Variants in NUDT7 observed in about 807,000 individuals in gnomAD.
NUDT7 encodes the protein nudix hydrolase 7, also known as peroxisomal coenzyme A diphosphatase NUDT7.
A neutral mutation model predicts 13.1 loss-of-function variants in NUDT7; 19 were observed. That is an observed-to-expected ratio of 1.45 (90% confidence interval 1.01 to 2.13). NUDT7 has a LOEUF of 2.13. NUDT7 is among the 30% of genes most tolerant of loss of function. The pLI is 0.00. For missense variants in NUDT7, 360 were observed against 291.7 expected, an observed-to-expected ratio of 1.23 and a Z score of -1.71; for synonymous variants, 132 against 109.7, an observed-to-expected ratio of 1.20 and a Z score of -1.27.
chr16:77,740,738 G>A (rs1372083169), intron 3 of NUDT7, among the ~76,000 whole-genome samples: 1 of 151,708 alleles, frequency 6.6e-6, no homozygotes, highest in African/African-American at 2.4e-5. Context: ...AGTAGAGACG[G>A]GATTTCATCA....
chr16:77,738,781 C>T (rs1340745425), intron 3 of NUDT7, among the ~76,000 whole-genome samples: 1 of 152,214 alleles, frequency 6.6e-6, no homozygotes, highest in African/African-American at 2.4e-5. Flanking sequence ...CCACAACCCC[C>T]ACCCCAGTTT....
intron 2 of NUDT7, among the ~76,000 whole-genome samples, chr16:77,731,566 A>T (rs2014320019): frequency 6.6e-6 from 1 of 152,230 alleles, no homozygotes; most frequent in Non-Finnish European, 1.5e-5. Flanking sequence ...ATAAAAAATG[A>T]CATTTCTGGT....
At chr16:77,730,103 T>A (rs1373792522) in intron 2 of NUDT7, among the ~76,000 whole-genome samples, 1 of 152,122 alleles carries the variant, frequency 6.6e-6, no homozygotes. Context: ...TCACCACACA[T>A]AACATACTAT....
chr16:77,740,010 C>T (rs1448053436), intron 3 of NUDT7, among the ~76,000 whole-genome samples: 1 of 152,174 alleles, frequency 6.6e-6, no homozygotes, highest in Non-Finnish European at 1.5e-5. Context: ...GGAGCACTTT[C>T]TTAAAAAATC....
intron 3 of NUDT7, among the ~76,000 whole-genome samples, chr16:77,740,546 A>G (rs985440712): frequency 6.6e-6 from 1 of 151,884 alleles, no homozygotes; most frequent in African/African-American, 2.4e-5. Flanking sequence ...ACTTTTATAT[A>G]TTTATTTTTA....
chr16:77,733,990 G>C (rs1410392269), intron 2 of NUDT7, among the ~76,000 whole-genome samples: 2 of 152,132 alleles, frequency 1.3e-5, no homozygotes, highest in Non-Finnish European at 2.9e-5. Flanking sequence ...GATAAGAAAG[G>C]GGGTAATTTT....
At chr16:77,735,771 C>T in intron 2 of NUDT7, 57 bp from the exon 3 acceptor site, 1 of 1,483,912 alleles carries the variant, frequency 6.7e-7, no homozygotes, top group Non-Finnish European at 9.3e-7. Context: ...TTGTTGAATG[C>T]ATAAATAGTT....
intron 2 of NUDT7, 118 bp from the exon 3 acceptor site, chr16:77,735,710 A>T: frequency 2.1e-6 from 2 of 933,128 alleles, no homozygotes; most frequent in Non-Finnish European, 3.3e-6. Flanking sequence ...TCTTGATACC[A>T]CCACCTGGGT....
chr16:77,729,272 G>T (rs905102386), intron 2 of NUDT7, among the ~76,000 whole-genome samples: 6 of 151,966 alleles, frequency 3.9e-5, no homozygotes. Context: ...GATTTAAATA[G>T]ATTTAACTTG....
At chr16:77,724,010 A>G (rs1168485205) in intron 1 of NUDT7, among the ~76,000 whole-genome samples, 1 of 152,194 alleles carries the variant, frequency 6.6e-6, no homozygotes, top group Non-Finnish European at 1.5e-5. Flanking sequence ...GGCTGCCATA[A>G]CAGAGTACCA....
intron 3 of NUDT7, 186 bp downstream of exon 3, chr16:77,736,172 C>T (rs868579143): frequency 2.2e-5 from 12 of 540,672 alleles, no homozygotes; most frequent in Middle Eastern, 9.7e-4. Context: ...TTTGCCTCTC[C>T]GGACCCCTCT....
At chr16:77,726,723 G>A (rs2014148058) in intron 2 of NUDT7, among the ~76,000 whole-genome samples, 2 of 152,308 alleles carry the variant, frequency 1.3e-5, no homozygotes, top group East Asian at 3.9e-4. Flanking sequence ...CTTGAAACCA[G>A]GAGGCGGAGG....
chr16:77,741,626 C>G lies in NUDT7; in HGVS notation c.393C>G (p.Asn131Lys). The change falls in exon 4 of 4, where the codon AAC (asparagine) becomes AAG (lysine). Residue 131 changes from asparagine (N) to lysine (K), a missense_variant. Coordinates refer to ENST00000268533, the MANE Select transcript of NUDT7 (RefSeq NM_001105663.3). Reference sequence around the variant, plus strand: ...CATTTGTGGGTTTAATAGACCACAACTTCCAGGCCCAGCCGAATCCTGCTG... The same window carrying G: ...CATTTGTGGGTTTAATAGACCACAAGTTCCAGGCCCAGCCGAATCCTGCTG... ...ITPFVGLIDH[N>K]FQAQPNPAEV... The G allele has an allele frequency of 6.2e-7, 1 of 1,613,458 alleles. No individual in the cohort carries two copies. The highest frequency in any genetic ancestry group is 8.5e-7 in the Non-Finnish European group (1 of 1,179,852).
chr16:77,732,114 G>A (rs2145116180), intron 2 of NUDT7, among the ~76,000 whole-genome samples: 1 of 152,230 alleles, frequency 6.6e-6, no homozygotes, highest in South Asian at 2.1e-4. Flanking sequence ...AACCATCTGA[G>A]GTCAGGAGTT....
chr16:77,725,434 C>T lies in NUDT7; in HGVS notation c.39C>T (p.Asn13=). 1 of 1,606,952 alleles carries T rather than the reference C, an allele frequency of 6.2e-7. No homozygotes were observed. The highest frequency in any genetic ancestry group is 8.5e-7 in the Non-Finnish European group (1 of 1,176,294). Reference sequence around the variant, plus strand: ...GTCTGGTTTGTTTTTATTTTAGAAACAGTTTGCTAGATGATGCTAAGGCCC... The same window carrying T: ...GTCTGGTTTGTTTTTATTTTAGAAATAGTTTGCTAGATGATGCTAAGGCCC... ...RLGLPEEPVR[N]SLLDDAKARL... is the part of the protein sequence containing the mutation. Residue 13 remains asparagine (N), a synonymous_variant, in exon 2 of 4, where the codon AAC becomes AAT. Transcript: ENST00000268533.
Position 77,742,193 on chromosome 16 carries a change from T to C in NUDT7, c.*243T>C. ...ACCCACAATATGTTAATAATATTTT[T>C]CTTACACATATAATAAAGAATATCT... is the stretch of plus-strand genomic sequence containing the variant. On this transcript the variant is annotated 3_prime_UTR_variant, in exon 4 of 4. Coordinates refer to ENST00000268533, the MANE Select transcript of NUDT7 (RefSeq NM_001105663.3). The C allele has an allele frequency of 1.9e-6, 2 of 1,039,658 alleles. No individual in the cohort carries two copies. The highest frequency in any genetic ancestry group is 2.4e-6 in the Non-Finnish European group (2 of 820,854). 64.4% of individuals were successfully genotyped at this position (1,039,658 alleles called of 1,614,324 possible). A position where few individuals can be genotyped will look rare whatever the true frequency, so the allele number is the denominator to read the frequency against.
At chr16:77,740,664 C>A (rs2014629627) in intron 3 of NUDT7, among the ~76,000 whole-genome samples, 1 of 152,218 alleles carries the variant, frequency 6.6e-6, no homozygotes, top group Non-Finnish European at 1.5e-5. Flanking sequence ...TCTCCTGCCT[C>A]AGCCTCCTGA....
intron 3 of NUDT7, among the ~76,000 whole-genome samples, chr16:77,738,831 G>T (rs998152004): frequency 1.3e-5 from 2 of 152,178 alleles, no homozygotes; most frequent in East Asian, 1.9e-4. Flanking sequence ...TTTTGCAAAG[G>T]TCTCTGAAAT....
chr16:77,739,970 C>CT (rs1197958257), intron 3 of NUDT7, among the ~76,000 whole-genome samples: 2 of 152,150 alleles, frequency 1.3e-5, no homozygotes, highest in African/African-American at 4.8e-5. Context: ...ATGAGTATTG[C>CT]TCCCCTCTTC....
Sources: gnomAD v4.1 joint callset for allele counts (sites outside exome capture counted in the v4.1 genomes callset) on GRCh38, gnomAD v4.1.1 for gene constraint, MANE v1.5 for transcripts, NCBI Gene and HGNC (gene_info 2026-07-23, HGNC 2026-07-21) for gene names.